Variants in MCM3AP observed in about 807,000 individuals in gnomAD.
MCM3AP encodes minichromosome maintenance complex component 3 associated protein.
MCM3AP carries 126 observed loss-of-function variants against 184.1 expected under a neutral mutation model. That is an observed-to-expected ratio of 0.68 (90% CI 0.59 to 0.79). The LOEUF is 0.79. Ranked by LOEUF, MCM3AP falls within the 30% of genes least tolerant of loss-of-function variation. MCM3AP has a pLI of 0.00. For synonymous variants in MCM3AP, 1,002 were observed against 979.3 expected (o/e 1.02, Z -0.43); for missense variants, 2,496 against 2,479.2 (o/e 1.01, Z -0.14).
chr21:46,245,699 A>G (rs1007624661), intron 22 of MCM3AP, among the ~76,000 whole-genome samples: 2 of 152,174 alleles, frequency 1.3e-5, no homozygotes, highest in South Asian at 2.1e-4. Flanking sequence ...GGGTCTTGCT[A>G]TGTTGGCCAG....
rs17182753 is a variant in MCM3AP, at chr21:46,272,157, A to C, written c.2465+404T>G. Among the ~76,000 whole-genome samples, 795 of 152,196 alleles carry C rather than the reference A, an allele frequency of 5.2e-3. 28 individuals carry two copies. In the South Asian group the frequency reaches 0.08, roughly 15 times the overall value. On this transcript the variant is annotated intron_variant, in intron 8 of 27. Coordinates refer to ENST00000291688, the MANE Select transcript of MCM3AP (RefSeq NM_003906.5). ...CATTCTTCGCATTTTTGTTTTACATAATTTTTTCCTCTCTTATTCTGAGAT... is the reference window on the plus strand; with the variant it reads ...CATTCTTCGCATTTTTGTTTTACATCATTTTTTCCTCTCTTATTCTGAGAT...
rs1427806713 is a variant in MCM3AP at position 46,240,882 on chromosome 21, T to C, written c.5562A>G (p.Gly1854=). 1 of 1,614,198 alleles carries C rather than the reference T, an allele frequency of 6.2e-7. No individual in the cohort carries two copies. The highest frequency in any genetic ancestry group is 1.1e-5 in the South Asian group (1 of 91,088). Residue 1854 remains glycine (G), a synonymous_variant, in exon 26 of 28, where the codon GGA becomes GGG. Coordinates refer to ENST00000291688, the MANE Select transcript of MCM3AP (RefSeq NM_003906.5). Reference sequence around the variant, plus strand: ...GCGCCAAGAGCTCCTCAGCAGAAGCTCCTCGCATCAGATCCTCTGTGCTGG... The same window carrying C: ...GCGCCAAGAGCTCCTCAGCAGAAGCCCCTCGCATCAGATCCTCTGTGCTGG... ...RIPSTEDLMR[G]ASAEELLAQC...
intron 9 of MCM3AP, among the ~76,000 whole-genome samples, chr21:46,268,749 A>G (rs2050927734): frequency 6.6e-6 from 1 of 152,232 alleles, no homozygotes; most frequent in Non-Finnish European, 1.5e-5. Flanking sequence ...TTTTGTTTAA[A>G]GTTATTAAAA....
intron 6 of MCM3AP, among the ~76,000 whole-genome samples, chr21:46,273,787 T>G (rs922887547): frequency 6.6e-6 from 1 of 152,174 alleles, no homozygotes; most frequent in African/African-American, 2.4e-5. Context: ...TTGGCAAATA[T>G]GACAAGGAGT....
At chr21:46,273,131 C>T (rs1424176449) in intron 7 of MCM3AP, among the ~76,000 whole-genome samples, 4 of 152,056 alleles carry the variant, frequency 2.6e-5, no homozygotes, top group African/African-American at 7.2e-5. Flanking sequence ...TGTGCCACCA[C>T]GCCAAGCTAA....
chr21:46,254,566 G>C, intron 18 of MCM3AP, 40 bp from the exon 19 acceptor site: 1 of 1,611,398 alleles, frequency 6.2e-7, no homozygotes, highest in Non-Finnish European at 8.5e-7. Context: ...CAGTGTGTGA[G>C]ACCCTTGCAG....
intron 10 of MCM3AP, chr21:46,266,540 C>T (rs1601527251): frequency 1.3e-5 from 3 of 230,382 alleles, no homozygotes; most frequent in South Asian, 9.8e-5. Flanking sequence ...AACTAGGCAC[C>T]GGGTGTTGAG....
In MCM3AP at chr21:46,266,077, A is replaced by G; in HGVS notation, c.2879T>C (p.Val960Ala). ...KSVFITRKLT[V>A]SVGEIVNGGP... Reference sequence around the variant, plus strand: ...TCCGTTCACAATTTCCCCGACTGACACCGTCAGCTTCCTAGTAATAAACAC... The same window carrying G: ...TCCGTTCACAATTTCCCCGACTGACGCCGTCAGCTTCCTAGTAATAAACAC... Residue 960 changes from valine (V) to alanine (A), a missense_variant, in exon 11 of 28, where the codon GTG (valine) becomes GCG (alanine). This residue lies in a region of MCM3AP where 138 missense variants were observed against 191.9 expected (regional missense o/e 0.72). Coordinates refer to ENST00000291688, the MANE Select transcript of MCM3AP (RefSeq NM_003906.5). 6.2e-7 allele frequency: 1 copy of G among 1,612,230 alleles called. No homozygotes were observed. Among genetic ancestry groups the G allele is most frequent in the Non-Finnish European group, 8.5e-7 (1 of 1,179,280 alleles).
At position 46,283,636 on chromosome 21, in the gene MCM3AP, T is replaced by C; in HGVS notation, c.1422A>G (p.Ala474=). Residue 474 remains alanine, a synonymous_variant, in exon 2 of 28, where the codon GCA becomes GCG. Coordinates refer to ENST00000291688, the MANE Select transcript of MCM3AP (RefSeq NM_003906.5). The part of the protein sequence containing the change: ...RIFTRRSKKL[A]VVHFFDHASA... ...TCACATGATCAAAGAAATGTACCAC[T>C]GCAAGCTTTTTGCTGCGCCTGGTAA... 1 of 1,613,870 alleles carries C rather than the reference T, an allele frequency of 6.2e-7. No individual in the cohort carries two copies. The highest frequency in any genetic ancestry group is 8.5e-7 in the Non-Finnish European group (1 of 1,179,802).
At position 46,256,926 on chromosome 21, in the gene MCM3AP, A is replaced by T; in HGVS notation, c.3795T>A (p.Ala1265=). 6.2e-7 allele frequency: 1 copy of T among 1,611,938 alleles called. No homozygotes were observed. Among genetic ancestry groups the T allele is most frequent in the Non-Finnish European group, 8.5e-7 (1 of 1,179,200 alleles). Residue 1265 remains alanine, a synonymous_variant, in exon 17 of 28, where the codon GCT becomes GCA. Transcript: ENST00000291688. ...KLRRQMRAFP[A]APCCVDVSDR... ...CGCTCACGTCCACGCAGCAGGGCGC[A>T]GCAGGGAAAGCCCGCATTTGGCGCC...
intron 9 of MCM3AP, chr21:46,267,716 T>A (rs1030126595): frequency 6.7e-6 from 1 of 149,806 alleles, no homozygotes; most frequent in African/African-American, 2.5e-5. Flanking sequence ...CATAGCTACA[T>A]CCTATTCTCT....
intron 9 of MCM3AP, 42 bp downstream of exon 9, chr21:46,270,359 C>T (rs949415310): frequency 5.1e-6 from 8 of 1,571,380 alleles, no homozygotes; most frequent in South Asian, 2.4e-5. Context: ...ACAAGAACCA[C>T]CTGCTTTCTT....
At chr21:46,244,617 C>T (rs2080732305) in intron 23 of MCM3AP, 190 bp downstream of exon 23, 1 of 640,108 alleles carries the variant, frequency 1.6e-6, no homozygotes, top group Non-Finnish European at 2.7e-6. Flanking sequence ...CCACAAAACC[C>T]AGCTTGTTCT....
In MCM3AP at chr21:46,254,441, C is replaced by A. The variant is rs199506748; in HGVS notation, c.4087G>T (p.Val1363Leu). 1.7e-5 allele frequency: 27 copies of A among 1,614,188 alleles called. No individual in the cohort carries two copies. The East Asian group carries it at 6.0e-4, about 36-fold the overall frequency. Residue 1363 changes from valine (V) to leucine (L), a missense_variant, in exon 19 of 28, where the codon GTG (valine) becomes TTG (leucine). Around this residue, in one of 5 missense-constraint regions of MCM3AP, gnomAD observed 1,323 missense variants for 1,273.4 expected, o/e 1.04. Coordinates refer to ENST00000291688, the MANE Select transcript of MCM3AP (RefSeq NM_003906.5). The stretch of plus-strand genomic sequence containing the variant: ...TCCTCTACATCCGGCAACACCAGCA[C>A]CAGCTTCCAAAACACATGCTCCTGC... The part of the protein sequence containing the change: ...GRQEHVFWKL[V>L]LVLPDVEEQS...
chr21:46,284,390 G>A lies in MCM3AP; in HGVS notation c.897C>T (p.Arg299=), dbSNP rs755020131. ...GCTCGTGGCCATGTCTCCTTGGGGA[G>A]CGATCCTGGTCCTCCTTCCTTTTCA... ...KGLKRKEDQD[R]SPRRHGHEPA... The change falls in exon 1 of 28, where the codon CGC becomes CGT. Residue 299 remains arginine, a synonymous_variant. Coordinates refer to ENST00000291688, the MANE Select transcript of MCM3AP (RefSeq NM_003906.5). 12 of 1,614,196 alleles carry A rather than the reference G, an allele frequency of 7.4e-6. No individual in the cohort carries two copies. In the East Asian group the frequency reaches 2.7e-4, roughly 36 times the overall value.
chr21:46,277,029 G>A (rs1231799669), intron 5 of MCM3AP, among the ~76,000 whole-genome samples: 2 of 152,158 alleles, frequency 1.3e-5, no homozygotes, highest in African/African-American at 2.4e-5. Flanking sequence ...GGGATTACAG[G>A]TGTGAGCCAC....
Position 46,246,803 on chromosome 21 carries a change from C to T in MCM3AP, c.4374G>A (p.Leu1458=). Residue 1458 remains leucine, a synonymous_variant, in exon 21 of 28, where the codon CTG becomes CTA. Transcript: ENST00000291688. ...KDLLGASGLM[L]LLPPKMKSED... ...CACTCTTCATTTTGGGGGGAAGCAG[C>T]AGCATGAGCCCACTGGCTCCCAGGA... 5.6e-6 allele frequency: 9 copies of T among 1,614,230 alleles called. No individual in the cohort carries two copies. Among genetic ancestry groups the T allele is most frequent in the Non-Finnish European group, 7.6e-6 (9 of 1,180,044 alleles).
intron 15 of MCM3AP, 68 bp from the exon 16 acceptor site, chr21:46,259,159 A>C (rs755210585): frequency 6.6e-6 from 10 of 1,520,678 alleles, no homozygotes; most frequent in Non-Finnish European, 8.0e-6. Flanking sequence ...GGCTTGCTTG[A>C]AAAGTGCAAG....
chr21:46,269,432 A>T (rs1177731877), intron 9 of MCM3AP, among the ~76,000 whole-genome samples: 1 of 152,180 alleles, frequency 6.6e-6, no homozygotes, highest in Admixed American at 6.5e-5. Flanking sequence ...TATTAACTAC[A>T]AGTGGCAAGT....
Sources: allele counts gnomAD v4.1 joint callset (sites outside exome capture counted in the v4.1 genomes callset), GRCh38; gene constraint gnomAD v4.1.1; regional missense constraint gnomAD v4.1.1; transcripts MANE v1.5; gene names NCBI Gene and HGNC (gene_info 2026-07-23, HGNC 2026-07-21).